The following RUNX1 variants were observed in gnomAD, a reference collection of about 807,000 sequenced individuals.
The protein encoded by RUNX1 is RUNX family transcription factor 1.
Under a neutral mutation model 42.8 loss-of-function variants are expected in RUNX1, and 19 were observed. The ratio of observed to expected loss-of-function variants is 0.44; its 90% CI spans 0.31 to 0.65. The LOEUF is 0.65. RUNX1 is among the 30% of genes least tolerant of loss of function. The pLI is 0.07. For synonymous variants in RUNX1, 271 were observed against 289.4 expected (o/e 0.94, Z 0.64); for missense variants, 528 against 672.0 (o/e 0.79, Z 2.37).
intron 7 of RUNX1, among the ~76,000 whole-genome samples, chr21:34,807,212 C>T (rs1297443361): frequency 2.0e-5 from 3 of 152,106 alleles, no homozygotes; most frequent in Admixed American, 6.5e-5. Flanking sequence ...TCTTTGTCCT[C>T]GTGCTCCCCA....
At chr21:34,833,468 T>C (rs1379834888) in intron 7 of RUNX1, 1 of 152,302 alleles carries the variant, frequency 6.6e-6, no homozygotes, top group Non-Finnish European at 1.5e-5. Context: ...GAACAGATGA[T>C]ATTTGTACAT....
chr21:34,892,923 AC>A lies in RUNX1; in HGVS notation c.97+1del, dbSNP rs769395497. 7 of 1,547,824 alleles carry A rather than the reference AC, an allele frequency of 4.5e-6. No homozygotes were observed. In the South Asian group the frequency reaches 6.8e-5, roughly 15 times the overall value. On this transcript the variant is annotated splice_donor_variant, in intron 3 of 8. Coordinates refer to ENST00000675419, the MANE Select transcript of RUNX1 (RefSeq NM_001754.5). LOFTEE classifies it high-confidence loss of function. ...AAAAATATAACTTGGAATTTAACAT[AC>A]CGTGGACGTCTCTAGAAGGATTCAT...
intron 2 of RUNX1, among the ~76,000 whole-genome samples, chr21:34,921,798 A>T (rs769395207): frequency 1.7e-4 from 26 of 151,728 alleles, no homozygotes; most frequent in Non-Finnish European, 1.0e-4. Context: ...TACCTGGCGA[A>T]TTTTTTTGTA....
intron 2 of RUNX1, among the ~76,000 whole-genome samples, chr21:34,898,846 C>T (rs561688034): frequency 1.3e-5 from 2 of 152,352 alleles, no homozygotes; most frequent in East Asian, 3.9e-4. Flanking sequence ...CATAAGCTCC[C>T]AGTGTTGCCA....
chr21:35,038,914 C>T (rs1004097628), intron 2 of RUNX1: 33 of 351,016 alleles, frequency 9.4e-5, no homozygotes, highest in South Asian at 7.0e-4. Context: ...TCATCAAAAC[C>T]AACCTGGTTA....
chr21:34,888,449 A>G (rs747220383), intron 3 of RUNX1: 13 of 1,067,102 alleles, frequency 1.2e-5, no homozygotes, highest in Non-Finnish European at 1.5e-5. Flanking sequence ...CCAGGAAAGA[A>G]GTTGAAAACA....
intron 5 of RUNX1, among the ~76,000 whole-genome samples, chr21:34,877,390 C>A (rs1169335770): frequency 6.6e-6 from 1 of 152,110 alleles, no homozygotes; most frequent in Non-Finnish European, 1.5e-5. Context: ...TTATTCTGAA[C>A]AATAACCTCT....
chr21:34,951,865 TC>T (rs2058610859), intron 2 of RUNX1, among the ~76,000 whole-genome samples: 2 of 152,148 alleles, frequency 1.3e-5, no homozygotes, highest in Non-Finnish European at 2.9e-5. Flanking sequence ...GACCCAGCAA[TC>T]CCATTACTGG....
chr21:34,972,358 CAAAT>C (rs960955438), intron 2 of RUNX1, among the ~76,000 whole-genome samples: 7 of 152,298 alleles, frequency 4.6e-5, no homozygotes, highest in Non-Finnish European at 7.4e-5. Flanking sequence ...GGTTCCATGA[CAAAT>C]AACCTCTGGA....
At chr21:34,900,718 C>T (rs971577565) in intron 2 of RUNX1, among the ~76,000 whole-genome samples, 3 of 152,224 alleles carry the variant, frequency 2.0e-5, no homozygotes, top group African/African-American at 7.2e-5. Flanking sequence ...TAAAACAGTG[C>T]TTTGGTTTCC....
intron 2 of RUNX1, among the ~76,000 whole-genome samples, chr21:34,963,437 C>G (rs548627765): frequency 1.3e-5 from 2 of 152,192 alleles, no homozygotes; most frequent in Non-Finnish European, 2.9e-5. Context: ...AGAGTCGTCT[C>G]TCGTCCTAGT....
chr21:35,042,853 C>CT (rs2059369181), intron 2 of RUNX1, among the ~76,000 whole-genome samples: 1 of 152,208 alleles, frequency 6.6e-6, no homozygotes, highest in Admixed American at 6.5e-5. Context: ...GAGCAAGGGC[C>CT]TTACTCTTTC....
intron 6 of RUNX1, among the ~76,000 whole-genome samples, chr21:34,854,471 A>T (rs959076659): frequency 2.6e-5 from 4 of 151,742 alleles, no homozygotes; most frequent in African/African-American, 4.8e-5. Flanking sequence ...TATAATCCCA[A>T]CTACTCAGGA....
At chr21:35,024,794 T>C (rs1221505660) in intron 2 of RUNX1, among the ~76,000 whole-genome samples, 2 of 152,236 alleles carry the variant, frequency 1.3e-5, no homozygotes, top group Admixed American at 6.5e-5. Flanking sequence ...CTAGTGATGA[T>C]GAAATTCTCA....
intron 2 of RUNX1, among the ~76,000 whole-genome samples, chr21:34,916,249 G>A (rs1379016131): frequency 1.3e-5 from 2 of 152,188 alleles, no homozygotes; most frequent in East Asian, 3.9e-4. Context: ...TGTTTCACGG[G>A]TGGGAGAAAG....
At chr21:35,041,037 T>C (rs1311389805) in intron 2 of RUNX1, among the ~76,000 whole-genome samples, 2 of 152,180 alleles carry the variant, frequency 1.3e-5, no homozygotes, top group Non-Finnish European at 2.9e-5. Context: ...GGAGAGGAGA[T>C]GACAGAGGCT....
chr21:34,912,387 G>C (rs1309339205), intron 2 of RUNX1, among the ~76,000 whole-genome samples: 1 of 151,986 alleles, frequency 6.6e-6, no homozygotes, highest in Admixed American at 6.6e-5. Context: ...GGTGCCCTGA[G>C]GGCTTTAGAG....
At chr21:34,974,127 G>A (rs1407612848) in intron 2 of RUNX1, among the ~76,000 whole-genome samples, 1 of 152,144 alleles carries the variant, frequency 6.6e-6, no homozygotes, top group Non-Finnish European at 1.5e-5. Flanking sequence ...TAAAAGCCAA[G>A]TGCAAAGAGA....
At chr21:34,835,295 G>A (rs568969474) in intron 6 of RUNX1, among the ~76,000 whole-genome samples, 8 of 152,118 alleles carry the variant, frequency 5.3e-5, no homozygotes, top group Non-Finnish European at 8.8e-5. Context: ...GGAAGGCCTC[G>A]CCTGTGTCTT....
Sources: allele counts gnomAD v4.1 joint callset (sites outside exome capture counted in the v4.1 genomes callset), GRCh38; gene constraint gnomAD v4.1.1; transcripts MANE v1.5; gene names NCBI Gene and HGNC (gene_info 2026-07-23, HGNC 2026-07-21).